IQCH: variants seen among roughly 807,000 people sequenced by gnomAD.
IQCH encodes the protein IQ motif containing H, also known as IQ domain-containing protein H.
A neutral mutation model predicts 117.0 loss-of-function variants in IQCH; 98 were observed. The ratio of observed to expected loss-of-function variants is 0.84; its 90% CI spans 0.71 to 0.99. The LOEUF is 0.99. Ranked by LOEUF, IQCH falls within the 50% of genes least tolerant of loss-of-function variation. IQCH has a pLI of 0.00. For missense variants in IQCH, 1,102 were observed against 1,243.8 expected, an observed-to-expected ratio of 0.89 and a Z score of 1.72; for synonymous variants, 412 against 448.2, an observed-to-expected ratio of 0.92 and a Z score of 1.02.
rs1166143749 is a variant in IQCH, at chr15:67,376,901, G to T, written c.1372+3468G>T. Among the ~76,000 whole-genome samples the T allele has an allele frequency of 3.9e-5, 6 of 152,024 alleles. No individual in the cohort carries two copies. The highest frequency in any genetic ancestry group is 3.9e-4 in the Admixed American group (6 of 15,262). ...CAAGAGGCCAAGGTGGGCAGATCAC[G>T]AGGTCAAGAGATCGAGACCATCCTG... On this transcript the variant is annotated intron_variant, in intron 10 of 20. Coordinates refer to ENST00000335894, the MANE Select transcript of IQCH (RefSeq NM_001031715.3). This position sits in a 1 kb window ranked among gnomAD's most constrained non-coding sequence, Gnocchi z 5.0.
Position 67,359,888 on chromosome 15 carries a change from C to G in IQCH, c.753+3C>G. 2 of 1,605,888 alleles carry G rather than the reference C, an allele frequency of 1.2e-6. No homozygotes were observed. Among genetic ancestry groups the G allele is most frequent in the Non-Finnish European group, 8.5e-7 (1 of 1,174,876 alleles). On this transcript the variant is annotated splice_donor_region_variant and intron_variant, in intron 8 of 20. Coordinates refer to ENST00000335894, the MANE Select transcript of IQCH (RefSeq NM_001031715.3). This position sits in a 1 kb window ranked among gnomAD's most constrained non-coding sequence, Gnocchi z 4.5. ...CAAGAGGACATCATGATAGGAAGGT[C>G]TGTAATTTGTGTGACTAGTTGAAAT...
intron 4 of IQCH, among the ~76,000 whole-genome samples, chr15:67,336,721 AACT>A: frequency 6.6e-6 from 1 of 152,310 alleles, no homozygotes; most frequent in South Asian, 2.1e-4. Context: ...TTCTTTTATT[AACT>A]ACTATGTTGA....
chr15:67,357,488 G>T lies in IQCH; in HGVS notation c.714+67G>T, dbSNP rs1969941298. The T allele has an allele frequency of 1.6e-5, 16 of 1,025,230 alleles. No individual in the cohort carries two copies. In the East Asian group the frequency reaches 3.9e-4, roughly 25 times the overall value. The allele number at this position is 1,025,230 out of a possible 1,614,324, so 63.5% of individuals were successfully genotyped here. A position where few individuals can be genotyped will look rare whatever the true frequency, so the allele number is the denominator to read the frequency against. On this transcript the variant is annotated intron_variant, in intron 7 of 20. Coordinates refer to ENST00000335894, the MANE Select transcript of IQCH (RefSeq NM_001031715.3). ...TACAGCACTTTCTGTGAGATATTTGGTGATTTACACGTTATTGAGTTGTAC... is the reference window on the plus strand; with the variant it reads ...TACAGCACTTTCTGTGAGATATTTGTTGATTTACACGTTATTGAGTTGTAC...
chr15:67,331,840 G>A (rs1968679779), intron 4 of IQCH, among the ~76,000 whole-genome samples: 1 of 152,154 alleles, frequency 6.6e-6, no homozygotes, highest in African/African-American at 2.4e-5. Context: ...CCCTTAGGAA[G>A]GATGATGATA....
At chr15:67,371,838 T>G (rs1970545265) in intron 8 of IQCH, among the ~76,000 whole-genome samples, 2 of 151,870 alleles carry the variant, frequency 1.3e-5, no homozygotes, top group Admixed American at 1.3e-4. Flanking sequence ...AAATGCATAA[T>G]TTTTTATGAC....
At chr15:67,261,119 A>G (rs980758033) in intron 1 of IQCH, among the ~76,000 whole-genome samples, 153 bp from the exon 2 acceptor site, 1 of 150,966 alleles carries the variant, frequency 6.6e-6, no homozygotes, top group Non-Finnish European at 1.5e-5. Flanking sequence ...AGAATGCCTT[A>G]CAACCGTAAA....
chr15:67,488,915 G>A (rs2083565530), intron 18 of IQCH, among the ~76,000 whole-genome samples: 2 of 152,124 alleles, frequency 1.3e-5, no homozygotes, highest in Non-Finnish European at 2.9e-5. Flanking sequence ...ACCTGTCTGA[G>A]ACAGATCTGG....
intron 16 of IQCH, among the ~76,000 whole-genome samples, chr15:67,448,154 ACT>A (rs947762242): frequency 2.7e-5 from 1 of 37,046 alleles, no homozygotes; most frequent in Non-Finnish European, 6.0e-5. Flanking sequence ...ATCCTAAGTG[ACT>A]CTGTGTGTGT....
chr15:67,455,122 T>C (rs2082630103), intron 16 of IQCH, among the ~76,000 whole-genome samples: 1 of 152,196 alleles, frequency 6.6e-6, no homozygotes, highest in Non-Finnish European at 1.5e-5. Context: ...ATCTCTTATC[T>C]GTGTTTTCAA....
intron 4 of IQCH, among the ~76,000 whole-genome samples, chr15:67,303,032 T>C (rs773370151): frequency 1.3e-5 from 2 of 152,204 alleles, no homozygotes; most frequent in African/African-American, 4.8e-5. Flanking sequence ...TATAAATGCT[T>C]ATGTCAAAGA....
chr15:67,372,097 C>A lies in IQCH; in HGVS notation c.754-14C>A, dbSNP rs759542166. On this transcript the variant is annotated splice_polypyrimidine_tract_variant and intron_variant, in intron 8 of 20. Coordinates refer to ENST00000335894, the MANE Select transcript of IQCH (RefSeq NM_001031715.3). ...TATCTTTCACTTCTAAAATATATTT[C>A]TTTTTTTCCACAGGCCATGAAAGTC... 2 of 1,575,998 alleles carry A rather than the reference C, an allele frequency of 1.3e-6. No individual in the cohort carries two copies. The highest frequency in any genetic ancestry group is 4.5e-5 in the East Asian group (2 of 44,552).
chr15:67,302,305 T>C (rs898676879), intron 4 of IQCH, among the ~76,000 whole-genome samples: 1 of 152,176 alleles, frequency 6.6e-6, no homozygotes, highest in Non-Finnish European at 1.5e-5. Context: ...GAAATTATTC[T>C]GAAAGTTTAA....
chr15:67,279,299 A>G, intron 3 of IQCH, 96 bp from the exon 4 acceptor site: 3 of 677,014 alleles, frequency 4.4e-6, no homozygotes, highest in South Asian at 1.7e-5. Context: ...TTCCTATAAA[A>G]TATAAGCTTA....
At chr15:67,371,626 A>G in intron 8 of IQCH, 2 of 773,296 alleles carry the variant, frequency 2.6e-6, no homozygotes, top group Middle Eastern at 2.9e-4. Flanking sequence ...AAAAGTGATG[A>G]TCTTTTATGA....
intron 18 of IQCH, among the ~76,000 whole-genome samples, chr15:67,483,954 G>T (rs936747123): frequency 1.3e-5 from 2 of 152,338 alleles, no homozygotes; most frequent in Admixed American, 1.3e-4. Flanking sequence ...TTCATGTCCT[G>T]CTAAATTGAA....
chr15:67,486,581 T>A (rs2083486898), intron 18 of IQCH, among the ~76,000 whole-genome samples: 3 of 152,162 alleles, frequency 2.0e-5, no homozygotes, highest in Non-Finnish European at 4.4e-5. Flanking sequence ...GATATAAAAT[T>A]ATGAAATGGG....
chr15:67,387,753 C>T lies in IQCH; in HGVS notation c.1457-1078C>T, dbSNP rs982497648. 1.1e-4 allele frequency among the ~76,000 whole-genome samples: 16 copies of T among 152,152 alleles called. No homozygotes were observed. Among genetic ancestry groups the T allele is most frequent in the African/African-American group, 3.6e-4 (15 of 41,426 alleles). ...TAATAGTGTCTAAAACTCTATGCCCCAGGTGGTTTTGTTCCCCTTTTTACA... is the reference window on the plus strand; with the variant it reads ...TAATAGTGTCTAAAACTCTATGCCCTAGGTGGTTTTGTTCCCCTTTTTACA... On this transcript the variant is annotated intron_variant, in intron 11 of 20. Coordinates refer to ENST00000335894, the MANE Select transcript of IQCH (RefSeq NM_001031715.3). This position sits in a 1 kb window ranked among gnomAD's most constrained non-coding sequence, Gnocchi z 4.8.
At chr15:67,441,122 CAAAAAAAAAAAAAAA>C (rs200254535) in intron 16 of IQCH, among the ~76,000 whole-genome samples, 1,282 of 54,078 alleles carry the variant, frequency 0.024, 53 homozygotes, top group African/African-American at 0.075. Context: ...GCAATAGCTG[CAAAAAAAAAAAAAAA>C]AAAAAAAAAA....
At chr15:67,485,808 G>A (rs1298590775) in intron 18 of IQCH, among the ~76,000 whole-genome samples, 5 of 151,754 alleles carry the variant, frequency 3.3e-5, no homozygotes, top group African/African-American at 9.7e-5. Flanking sequence ...ACAGGCACGC[G>A]CCACCATGCC....
Sources: gnomAD v4.1 joint callset for allele counts (sites outside exome capture counted in the v4.1 genomes callset) on GRCh38, gnomAD v4.1.1 for gene constraint, Gnocchi (gnomAD v3.1) non-coding constraint, MANE v1.5 for transcripts, NCBI Gene and HGNC (gene_info 2026-07-23, HGNC 2026-07-21) for gene names.